PRKN: variants seen among roughly 807,000 people sequenced by gnomAD.
PRKN encodes parkin RBR E3 ubiquitin protein ligase, also known as E3 ubiquitin-protein ligase parkin.
A neutral mutation model predicts 59.5 loss-of-function variants in PRKN; 56 were observed. That is an observed-to-expected ratio of 0.94 (90% CI 0.76 to 1.18). PRKN has a LOEUF of 1.18. Ranked by LOEUF, PRKN falls within the 50% of genes most tolerant of loss-of-function variation. PRKN has a pLI of 0.00. For missense variants in PRKN, 657 were observed against 596.4 expected, an observed-to-expected ratio of 1.10 and a Z score of -1.06; for synonymous variants, 250 against 222.1, an observed-to-expected ratio of 1.13 and a Z score of -1.12.
intron 1 of PRKN, among the ~76,000 whole-genome samples, chr6:162,523,584 A>G (rs1562354545): frequency 6.6e-6 from 1 of 152,036 alleles, no homozygotes; most frequent in Non-Finnish European, 1.5e-5. Context: ...AGAATCACTT[A>G]AACCCAGAGG....
intron 6 of PRKN, among the ~76,000 whole-genome samples, chr6:161,802,428 ACCCACACACGC>A (rs1791122673): frequency 1.3e-5 from 2 of 148,658 alleles, no homozygotes; most frequent in African/African-American, 5.0e-5. Flanking sequence ...GCCCCACATG[ACCCACACACGC>A]CCCACACACA....
Position 161,530,463 on chromosome 6 carries a change from G to A in PRKN, c.1083+18391C>T, listed in dbSNP as rs890683050. The stretch of plus-strand genomic sequence containing the variant: ...GCTCTGGAGACCAGCAGGAATTGGA[G>A]CAGCCTCATTCCGTGTCGAAGAAGA... On this transcript the variant is annotated intron_variant, in intron 9 of 11. Coordinates refer to ENST00000366898, the MANE Select transcript of PRKN (RefSeq NM_004562.3). The surrounding 1 kb of genome is among the most constrained non-coding windows in gnomAD (Gnocchi z 5.0). Among the ~76,000 whole-genome samples, 1 of 152,056 alleles carries A rather than the reference G, an allele frequency of 6.6e-6. No homozygotes were observed. The highest frequency in any genetic ancestry group is 2.4e-5 in the African/African-American group (1 of 41,414).
chr6:162,549,392 G>C (rs1779244554), intron 1 of PRKN, among the ~76,000 whole-genome samples: 1 of 152,260 alleles, frequency 6.6e-6, no homozygotes, highest in East Asian at 1.9e-4. Flanking sequence ...ATGCTTGGTA[G>C]TTCTGCTATT....
chr6:161,654,214 G>A (rs913644377), intron 7 of PRKN, among the ~76,000 whole-genome samples: 1 of 152,232 alleles, frequency 6.6e-6, no homozygotes, highest in East Asian at 1.9e-4. Flanking sequence ...TTCACATCCA[G>A]AGAATCATTT....
At chr6:162,559,382 A>T (rs1372638831) in intron 1 of PRKN, among the ~76,000 whole-genome samples, 1 of 151,918 alleles carries the variant, frequency 6.6e-6, no homozygotes, top group Admixed American at 6.6e-5. Flanking sequence ...AGCCCCTGCC[A>T]TCCCATCACA....
At chr6:162,614,903 CTCTATG>C (rs1782340954) in intron 1 of PRKN, among the ~76,000 whole-genome samples, 1 of 152,272 alleles carries the variant, frequency 6.6e-6, no homozygotes, top group African/African-American at 2.4e-5. Flanking sequence ...ATAACAATTA[CTCTATG>C]TCTAATCCAT....
intron 7 of PRKN, among the ~76,000 whole-genome samples, chr6:161,754,322 G>A (rs1788819820): frequency 6.6e-6 from 1 of 152,006 alleles, no homozygotes; most frequent in African/African-American, 2.4e-5. Context: ...GAGGGCCTAG[G>A]AGATGTGGAG....
At chr6:161,585,586 G>A (rs914117286) in intron 7 of PRKN, among the ~76,000 whole-genome samples, 6 of 152,128 alleles carry the variant, frequency 3.9e-5, no homozygotes, top group South Asian at 4.1e-4. Context: ...ATTAAATAGC[G>A]TTCAAATTGT....
chr6:162,568,583 G>C (rs1780184210), intron 1 of PRKN: 1 of 851,514 alleles, frequency 1.2e-6, no homozygotes. Flanking sequence ...AGGAGAAGGA[G>C]AAGGAGCAGA....
At chr6:162,474,290 A>G (rs1485170047) in intron 1 of PRKN, among the ~76,000 whole-genome samples, 5 of 152,228 alleles carry the variant, frequency 3.3e-5, no homozygotes. Flanking sequence ...GCAAATACCC[A>G]ACTTCTAGAA....
chr6:161,435,450 TTG>T (rs1788837603), intron 9 of PRKN, among the ~76,000 whole-genome samples: 2 of 152,148 alleles, frequency 1.3e-5, no homozygotes, highest in Non-Finnish European at 2.9e-5. Context: ...AGCTTCTACT[TTG>T]TGCAGAGAGC....
intron 1 of PRKN, among the ~76,000 whole-genome samples, chr6:162,558,719 G>A (rs1779713989): frequency 6.6e-6 from 1 of 151,408 alleles, no homozygotes; most frequent in Admixed American, 6.6e-5. Flanking sequence ...GCCCATCACA[G>A]TCTCTGCCTC....
chr6:161,514,321 G>T (rs1320386097), intron 9 of PRKN, among the ~76,000 whole-genome samples: 1 of 152,186 alleles, frequency 6.6e-6, no homozygotes, highest in African/African-American at 2.4e-5. Flanking sequence ...TGGTGAATGT[G>T]GTCATGATCT....
At chr6:161,441,860 G>T (rs2115090524) in intron 9 of PRKN, among the ~76,000 whole-genome samples, 1 of 152,226 alleles carries the variant, frequency 6.6e-6, no homozygotes, top group East Asian at 1.9e-4. Context: ...TCCATCCCTG[G>T]CCTGCTGTTC....
chr6:162,365,762 A>G (rs1205596457), intron 2 of PRKN, among the ~76,000 whole-genome samples: 1 of 151,938 alleles, frequency 6.6e-6, no homozygotes, highest in Non-Finnish European at 1.5e-5. Context: ...TTCTCGGTTT[A>G]TTTTCTGTAC....
At chr6:161,832,751 G>A (rs1357149108) in intron 6 of PRKN, among the ~76,000 whole-genome samples, 1 of 152,018 alleles carries the variant, frequency 6.6e-6, no homozygotes, top group Non-Finnish European at 1.5e-5. Context: ...CGCCATCCTG[G>A]AGCAGGGCAT....
chr6:162,119,009 G>C (rs1271735409), intron 4 of PRKN, among the ~76,000 whole-genome samples: 1 of 152,112 alleles, frequency 6.6e-6, no homozygotes, highest in Admixed American at 6.6e-5. Context: ...TATGCCTATT[G>C]GTTATGGAAT....
intron 9 of PRKN, among the ~76,000 whole-genome samples, chr6:161,437,329 CCAGA>C (rs1475245623): frequency 2.6e-5 from 4 of 152,116 alleles, no homozygotes; most frequent in African/African-American, 9.7e-5. Context: ...CGTGGAGATG[CCAGA>C]CAAAGGGAGG....
At chr6:162,074,697 G>A (rs1326736874) in intron 4 of PRKN, among the ~76,000 whole-genome samples, 3 of 152,050 alleles carry the variant, frequency 2.0e-5, no homozygotes, top group Admixed American at 6.5e-5. Context: ...CGTCCTCCAC[G>A]AAAATGCAGC....
Sources: gnomAD v4.1 joint callset for allele counts (sites outside exome capture counted in the v4.1 genomes callset) on GRCh38, gnomAD v4.1.1 for gene constraint, Gnocchi (gnomAD v3.1) non-coding constraint, MANE v1.5 for transcripts, NCBI Gene and HGNC (gene_info 2026-07-23, HGNC 2026-07-21) for gene names.